ABR: variants seen among roughly 807,000 people sequenced by gnomAD.
ABR encodes active breakpoint cluster region-related protein.
A neutral mutation model predicts 107.2 loss-of-function variants in ABR; 35 were observed. The observed-to-expected ratio is 0.33, with a 90% CI of 0.25 to 0.43. The LOEUF (loss-of-function observed/expected upper bound fraction) is 0.43. ABR is among the 20% of genes least tolerant of loss of function. The pLI is 1.00. For missense variants in ABR, 815 were observed against 1,115.2 expected, an observed-to-expected ratio of 0.73 and a Z score of 3.83; for synonymous variants, 498 against 462.0, an observed-to-expected ratio of 1.08 and a Z score of -1.00.
intron 1 of ABR, among the ~76,000 whole-genome samples, chr17:1,186,609 G>A (rs1342968278): frequency 6.6e-6 from 1 of 152,248 alleles, no homozygotes; most frequent in East Asian, 1.9e-4. Context: ...ATCCTGGGCA[G>A]AGCCGCTGGC....
At position 1,148,974 on chromosome 17, in the gene ABR, T is replaced by A. The variant is rs915275704; in HGVS notation, c.62-23607A>T. Among the ~76,000 whole-genome samples the A allele has an allele frequency of 6.6e-6, 1 of 150,674 alleles. No individual in the cohort carries two copies. Among genetic ancestry groups the A allele is most frequent in the Non-Finnish European group, 1.5e-5 (1 of 67,662 alleles). ...TGGAGTGCAGTGGCGCCATCTCGGC[T>A]CACTGCAAGCTCCGCCTCCTGGGTT... On this transcript the variant is annotated intron_variant, in intron 1 of 22. Coordinates refer to ENST00000302538, the MANE Select transcript of ABR (RefSeq NM_021962.5). The surrounding 1 kb of genome is among the most constrained non-coding windows in gnomAD (Gnocchi z 4.9).
At chr17:1,013,807 A>G (rs1272975603) in intron 16 of ABR, among the ~76,000 whole-genome samples, 1 of 152,198 alleles carries the variant, frequency 6.6e-6, no homozygotes, top group African/African-American at 2.4e-5. Flanking sequence ...TCCACAGGGG[A>G]AGTCCCCAGG....
In ABR at chr17:1,099,853, C is replaced by T. The variant is rs1228925319; in HGVS notation, c.345+784G>A. 4.6e-5 allele frequency among the ~76,000 whole-genome samples: 7 copies of T among 152,282 alleles called. No individual in the cohort carries two copies. The South Asian group carries it at 1.0e-3, about 23-fold the overall frequency. ...CTCAAAAGAACACAGACAGGCCGGG[C>T]GCAGTGGCTCATGCCTGTAATCCCA... On this transcript the variant is annotated intron_variant, in intron 3 of 22. Transcript: ENST00000302538.
rs2069833145 is a variant in ABR, at chr17:1,003,866, G to C, written c.*2214C>G. ...GCCGGGCGCAGTGACTGGAGGTTTC[G>C]GGCTGCATGGTCCCCGGCTCACAGG... On this transcript the variant is annotated 3_prime_UTR_variant, in exon 23 of 23. Coordinates refer to ENST00000302538, the MANE Select transcript of ABR (RefSeq NM_021962.5). 6.6e-6 allele frequency: 1 copy of C among 152,396 alleles called. No individual in the cohort carries two copies. Among genetic ancestry groups the C allele is most frequent in the Non-Finnish European group, 1.5e-5 (1 of 68,124 alleles). The allele number at this position is 152,396 out of a possible 1,614,324, so 9.4% of individuals were successfully genotyped here.
At chr17:1,134,962 G>A (rs1198340076) in intron 1 of ABR, among the ~76,000 whole-genome samples, 1 of 152,258 alleles carries the variant, frequency 6.6e-6, no homozygotes, top group Non-Finnish European at 1.5e-5. Context: ...TAAACTGGAT[G>A]ACACGCATAC....
At chr17:1,149,124 C>T (rs1433818921) in intron 1 of ABR, among the ~76,000 whole-genome samples, 2 of 152,040 alleles carry the variant, frequency 1.3e-5, no homozygotes, top group Non-Finnish European at 2.9e-5. Flanking sequence ...GGGATGGTCT[C>T]GATCTCCTGA....
chr17:1,077,965 T>C (rs369096280), intron 6 of ABR, among the ~76,000 whole-genome samples: 21 of 152,222 alleles, frequency 1.4e-4, no homozygotes, highest in African/African-American at 4.1e-4. Context: ...TCTGGACACC[T>C]CCCTACCTGG....
chr17:1,130,927 T>C (rs2151468438), intron 1 of ABR, among the ~76,000 whole-genome samples: 1 of 152,352 alleles, frequency 6.6e-6, no homozygotes, highest in East Asian at 1.9e-4. Context: ...GATTTCAGAC[T>C]TCTGGTCTTC....
intron 1 of ABR, among the ~76,000 whole-genome samples, chr17:1,152,904 G>A (rs1022285501): frequency 6.6e-6 from 1 of 152,086 alleles, no homozygotes; most frequent in Non-Finnish European, 1.5e-5. Flanking sequence ...GACCAGCCTG[G>A]CCAACACAGT....
At chr17:1,073,540 G>C (rs1458467907) in intron 7 of ABR, 85 bp downstream of exon 7, 1 of 1,142,022 alleles carries the variant, frequency 8.8e-7, no homozygotes, top group East Asian at 2.8e-5. Context: ...GACTGTTCTC[G>C]GTGACTCCAG....
intron 1 of ABR, among the ~76,000 whole-genome samples, chr17:1,170,586 G>GC (rs1233742406): frequency 6.6e-6 from 1 of 152,044 alleles, no homozygotes; most frequent in East Asian, 1.9e-4. Context: ...CTAGGTGCCT[G>GC]CCACCATGCC....
At chr17:1,031,881 T>TCCCTCCCTCCCTCCGTCCCCGCGCTC in intron 16 of ABR, 2 of 849,170 alleles carry the variant, frequency 2.4e-6, no homozygotes, top group Non-Finnish European at 2.8e-6. Context: ...CGCGCTCCCC[T>TCCCTCCCTCCCTCCGTCCCCGCGCTC]CCCTCCCTCC....
In ABR at chr17:1,079,395, C is replaced by T. The variant is rs151269569; in HGVS notation, c.640-5G>A. ...GGGACCTTTCACTTTGAGTTCCTGC[C>T]AAAGGGAGGAGAGGAGTCATGGCCT... On this transcript the variant is annotated splice_region_variant and splice_polypyrimidine_tract_variant and intron_variant, in intron 5 of 22. Transcript: ENST00000302538. The T allele has an allele frequency of 6.2e-7, 1 of 1,612,508 alleles. No individual in the cohort carries two copies. Among genetic ancestry groups the T allele is most frequent in the Admixed American group, 1.7e-5 (1 of 59,824 alleles).
upstream of ABR, among the ~76,000 whole-genome samples, chr17:1,189,957 G>A (rs1026078851): frequency 6.6e-6 from 1 of 152,204 alleles, no homozygotes. Flanking sequence ...AGCCTGGAAT[G>A]AGGCAGTACA....
At chr17:1,028,143 T>C (rs150859049) in intron 16 of ABR, among the ~76,000 whole-genome samples, 1,998 of 151,934 alleles carry the variant, frequency 0.013, 57 homozygotes, top group South Asian at 0.1. Context: ...CAGGCTGGAG[T>C]GCAGTGGCAT....
Position 1,073,618 on chromosome 17 carries a change from C to A in ABR, c.753+7G>T, listed in dbSNP as rs1470833430. On this transcript the variant is annotated splice_region_variant and intron_variant, in intron 7 of 22. Transcript: ENST00000302538. The stretch of plus-strand genomic sequence containing the variant: ...CCTCTCTGGCCATTCGGAGGCTTGA[C>A]ACTCACGTGTAGGACTAGGGTGCTC... 2.5e-6 allele frequency: 4 copies of A among 1,578,584 alleles called. No individual in the cohort carries two copies. The highest frequency in any genetic ancestry group is 1.7e-5 in the Admixed American group (1 of 57,352).
chr17:1,146,452 A>G (rs1403688527), intron 1 of ABR, among the ~76,000 whole-genome samples: 2 of 152,178 alleles, frequency 1.3e-5, no homozygotes, highest in Non-Finnish European at 2.9e-5. Context: ...ACGGAATGAT[A>G]GGATTGTTGT....
At chr17:1,031,893 T>TCCG in intron 16 of ABR, 2 of 981,036 alleles carry the variant, frequency 2.0e-6, no homozygotes, top group Non-Finnish European at 2.4e-6. Flanking sequence ...CCTCCCTCCC[T>TCCG]CCGTCCGCGT....
At position 1,154,071 on chromosome 17, in the gene ABR, C is replaced by T. The variant is rs560061997; in HGVS notation, c.61+25596G>A. On this transcript the variant is annotated intron_variant, in intron 1 of 22. Transcript: ENST00000302538. The surrounding 1 kb of genome is among the most constrained non-coding windows in gnomAD (Gnocchi z 4.0). The stretch of plus-strand genomic sequence containing the variant: ...CCAACGAAGAGGGAGGAGGTGGGCA[C>T]GCAGCCCACAGAAATCTCAGCTTCC... 3 of 154,152 alleles carry T rather than the reference C, an allele frequency of 1.9e-5. No homozygotes were observed. The highest frequency in any genetic ancestry group is 2.0e-4 in the South Asian group (1 of 5,066). The allele number at this position is 154,152 out of a possible 1,614,324, so 9.5% of individuals were successfully genotyped here.
Sources: allele counts gnomAD v4.1 joint callset (sites outside exome capture counted in the v4.1 genomes callset), GRCh38; gene constraint gnomAD v4.1.1; non-coding constraint Gnocchi (gnomAD v3.1); transcripts MANE v1.5; gene names NCBI Gene and HGNC (gene_info 2026-07-23, HGNC 2026-07-21).